The following ERCC6L2 variants were observed in gnomAD, a reference collection of about 807,000 sequenced individuals.
ERCC6L2 encodes ERCC excision repair 6 like 2, also known as DNA excision repair protein ERCC-6-like 2.
ERCC6L2 carries 77 observed loss-of-function variants against 132.0 expected under a neutral mutation model. The observed-to-expected ratio is 0.58, with a 90% CI of 0.49 to 0.71. The LOEUF (loss-of-function observed/expected upper bound fraction) is 0.71. ERCC6L2 is among the 30% of genes least tolerant of loss of function. The pLI is 0.00. For missense variants in ERCC6L2, 1,542 were observed against 1,837.6 expected, an observed-to-expected ratio of 0.84 and a Z score of 2.94; for synonymous variants, 583 against 632.4, an observed-to-expected ratio of 0.92 and a Z score of 1.17.
chr9:95,896,093 A>G (rs1028110434), intron 2 of ERCC6L2, among the ~76,000 whole-genome samples: 1 of 152,114 alleles, frequency 6.6e-6, no homozygotes, highest in African/African-American at 2.4e-5. Flanking sequence ...TATTTTGTAT[A>G]TATTTACCAT....
At chr9:95,912,767 C>G (rs996975187) in intron 4 of ERCC6L2, among the ~76,000 whole-genome samples, 1 of 152,098 alleles carries the variant, frequency 6.6e-6, no homozygotes, top group African/African-American at 2.4e-5. Flanking sequence ...AATTATATGA[C>G]TTTTTGAGAG....
intron 6 of ERCC6L2, 58 bp from the exon 7 acceptor site, chr9:95,921,117 A>G (rs923011622): frequency 7.3e-5 from 107 of 1,465,452 alleles, no homozygotes; most frequent in Non-Finnish European, 9.7e-5. Context: ...GTAGATTATG[A>G]TTTTTATTAT....
At chr9:95,941,356 G>T in intron 11 of ERCC6L2, 98 bp from the exon 12 acceptor site, 1 of 743,650 alleles carries the variant, frequency 1.3e-6, no homozygotes, top group East Asian at 2.6e-5. Flanking sequence ...ATGCAATATC[G>T]TACTGTTTTG....
intron 1 of ERCC6L2, chr9:95,876,624 A>G (rs997514963): frequency 2.6e-5 from 4 of 152,288 alleles, no homozygotes; most frequent in Admixed American, 2.6e-4. Flanking sequence ...ATTATCTACC[A>G]CAAGTCACCT....
intron 3 of ERCC6L2, among the ~76,000 whole-genome samples, chr9:95,898,563 C>T (rs903484440): frequency 3.3e-5 from 5 of 151,780 alleles, no homozygotes; most frequent in African/African-American, 7.3e-5. Context: ...TTTATAAATA[C>T]GTTATATATG....
intron 14 of ERCC6L2, among the ~76,000 whole-genome samples, chr9:95,969,054 G>T (rs538097493): frequency 6.6e-6 from 1 of 152,098 alleles, no homozygotes; most frequent in Admixed American, 6.6e-5. Flanking sequence ...AGGGAGGAAG[G>T]TGTGTTTTAG....
chr9:95,938,406 C>T (rs1161154975), intron 11 of ERCC6L2, among the ~76,000 whole-genome samples: 3 of 152,020 alleles, frequency 2.0e-5, no homozygotes, highest in Non-Finnish European at 4.4e-5. Flanking sequence ...AATTTTCTCT[C>T]TAGGAGTTCT....
chr9:96,004,793 C>G (rs904633017), intron 18 of ERCC6L2, 92 bp downstream of exon 18: 58 of 782,454 alleles, frequency 7.4e-5, no homozygotes, highest in Non-Finnish European at 1.0e-4. Context: ...GAATTATAAC[C>G]ATAACTGACA....
intron 4 of ERCC6L2, among the ~76,000 whole-genome samples, chr9:95,909,122 G>A (rs690335): frequency 0.59 from 89,958 of 151,974 alleles, 26,865 homozygotes; most frequent in East Asian, 0.78. Context: ...GTTAATTTGT[G>A]TAGAATAATT....
At chr9:95,957,850 A>G (rs939659801) in intron 13 of ERCC6L2, among the ~76,000 whole-genome samples, 31 of 151,538 alleles carry the variant, frequency 2.0e-4, no homozygotes, top group Admixed American at 1.8e-3. Context: ...TCTTTTGGGG[A>G]AAAAAAATCC....
rs1347669048 is a variant in ERCC6L2, at chr9:96,012,227, A to G, written c.3677A>G (p.Lys1226Arg). The change falls in exon 19 of 19, where the codon AAA (lysine) becomes AGA (arginine). Residue 1226 changes from lysine (K) to arginine (R), a missense_variant and splice_region_variant. Physicochemically the swap from Lys to Arg is conservative, Grantham distance 26 (BLOSUM62 2). Coordinates refer to ENST00000653738, the MANE Select transcript of ERCC6L2 (RefSeq NM_020207.7). ...AGTTTTGTTCATTTAATCTTTAGAAAACAATTTGAAGAAATGGCCTCTTAT... is the reference window on the plus strand; with the variant it reads ...AGTTTTGTTCATTTAATCTTTAGAAGACAATTTGAAGAAATGGCCTCTTAT... ...IGETPKGIRRKQFEEMASYFN... is the reference protein window; with the variant it reads ...IGETPKGIRRRQFEEMASYFN... The G allele has an allele frequency of 1.6e-6, 2 of 1,248,154 alleles. No individual in the cohort carries two copies. Among genetic ancestry groups the G allele is most frequent in the Non-Finnish European group, 2.1e-6 (2 of 960,764 alleles). 77.3% of individuals were successfully genotyped at this position (1,248,154 alleles called of 1,614,324 possible).
chr9:96,040,215 C>T (rs762098986), intron 20 of ERCC6L2, among the ~76,000 whole-genome samples: 2 of 150,302 alleles, frequency 1.3e-5, no homozygotes, highest in Admixed American at 6.7e-5. Context: ...CTGTGATGGC[C>T]GCCAGCCTCT....
At chr9:95,964,679 A>G (rs1201146749) in intron 13 of ERCC6L2, among the ~76,000 whole-genome samples, 2 of 152,180 alleles carry the variant, frequency 1.3e-5, no homozygotes, top group African/African-American at 4.8e-5. Flanking sequence ...GTCTATTGTT[A>G]TGATGAGATC....
At chr9:95,987,286 A>G (rs576153988) in intron 17 of ERCC6L2, among the ~76,000 whole-genome samples, 24 of 152,292 alleles carry the variant, frequency 1.6e-4, no homozygotes, top group African/African-American at 5.3e-4. Context: ...CATTAATTCA[A>G]ATGTCCACAG....
chr9:95,992,990 G>A (rs888209923), intron 17 of ERCC6L2, among the ~76,000 whole-genome samples: 2 of 152,154 alleles, frequency 1.3e-5, no homozygotes, highest in East Asian at 1.9e-4. Context: ...ATAAAACTTA[G>A]TACATACAGA....
intron 18 of ERCC6L2, among the ~76,000 whole-genome samples, chr9:96,006,586 A>G (rs560660517): frequency 2.0e-5 from 3 of 152,352 alleles, no homozygotes; most frequent in East Asian, 3.9e-4. Context: ...AGTTGAGATA[A>G]CAGAACCTGT....
intron 2 of ERCC6L2, among the ~76,000 whole-genome samples, chr9:95,886,531 A>G (rs528683167): frequency 4.7e-4 from 71 of 152,242 alleles, no homozygotes; most frequent in African/African-American, 1.7e-3. Flanking sequence ...TCTATCATCT[A>G]CTGCCTTCTT....
intron 6 of ERCC6L2, chr9:95,918,243 A>T: frequency 2.3e-6 from 1 of 442,026 alleles, no homozygotes. Flanking sequence ...TCACCATTGC[A>T]GGTCTGGCTG....
intron 2 of ERCC6L2, among the ~76,000 whole-genome samples, chr9:95,887,244 A>C (rs1423919067): frequency 6.6e-6 from 1 of 152,202 alleles, no homozygotes; most frequent in Non-Finnish European, 1.5e-5. Context: ...AAGACTCCAC[A>C]GGGAAATTGG....
Sources: allele counts gnomAD v4.1 joint callset (sites outside exome capture counted in the v4.1 genomes callset), GRCh38; gene constraint gnomAD v4.1.1; transcripts MANE v1.5; gene names NCBI Gene and HGNC (gene_info 2026-07-23, HGNC 2026-07-21).